The following NDE1 variants were observed in gnomAD, a reference collection of about 807,000 sequenced individuals.
The protein encoded by NDE1 is nuclear distribution protein nudE homolog 1.
NDE1 carries 28 observed loss-of-function variants against 43.4 expected under a neutral mutation model. That is an observed-to-expected ratio of 0.65 (90% CI 0.48 to 0.89). NDE1 has a LOEUF of 0.89. Among genes scored for constraint, NDE1 ranks in the 40% least tolerant of loss-of-function variants. The pLI is 0.00. For missense variants in NDE1, 441 were observed against 434.1 expected, an observed-to-expected ratio of 1.02 and a Z score of -0.14; for synonymous variants, 184 against 172.0, an observed-to-expected ratio of 1.07 and a Z score of -0.55.
chr16:15,691,185 C>T lies in NDE1; in HGVS notation c.565C>T (p.Pro189Ser). 1 of 1,614,108 alleles carries T rather than the reference C, an allele frequency of 6.2e-7. No homozygotes were observed. Among genetic ancestry groups the T allele is most frequent in the African/African-American group, 1.3e-5 (1 of 75,026 alleles). ...ELAVQQKQEK[P>S]RTPMPSSVEA... ...GGCCGTGCAGCAGAAGCAGGAGAAA[C>T]CCAGGACCCCCATGCCCAGCTCAGT... The change falls in exon 6 of 9, where the codon CCC (proline) becomes TCC (serine). Residue 189 changes from proline (P) to serine (S), a missense_variant. By Grantham distance (74) the Pro-to-Ser change is moderately conservative. Coordinates refer to ENST00000396354, the MANE Select transcript of NDE1 (RefSeq NM_017668.3).
chr16:15,707,073 G>A (rs2039497374), intron 8 of NDE1, among the ~76,000 whole-genome samples: 1 of 152,022 alleles, frequency 6.6e-6, no homozygotes, highest in South Asian at 2.1e-4. Flanking sequence ...GAGTCTCGCT[G>A]TGTTGCCCAG....
chr16:15,653,150 A>G (rs1471749840), intron 1 of NDE1, among the ~76,000 whole-genome samples: 1 of 152,172 alleles, frequency 6.6e-6, no homozygotes, highest in Non-Finnish European at 1.5e-5. Flanking sequence ...ACCCATTTTT[A>G]ACATATCCTG....
In NDE1 at chr16:15,719,727, C is replaced by G. The variant is rs375979600; in HGVS notation, c.948-4464C>G. 3.3e-4 allele frequency: 532 copies of G among 1,613,982 alleles called. No homozygotes were observed. Among genetic ancestry groups the G allele is most frequent in the Non-Finnish European group, 4.4e-4 (523 of 1,180,044 alleles). ...CTTCATCTGAGCCTGCATGAGTCAA[C>G]AGGGAGGACAAGCTCAGATGTCCTT... On this transcript the variant is annotated intron_variant, in intron 8 of 8. Coordinates refer to ENST00000396354, the MANE Select transcript of NDE1 (RefSeq NM_017668.3).
intron 3 of NDE1, among the ~76,000 whole-genome samples, chr16:15,675,424 G>T (rs1487783275): frequency 4.4e-5 from 6 of 136,382 alleles, no homozygotes; most frequent in African/African-American, 5.4e-5. Flanking sequence ...GTGATTTTGG[G>T]TTTTTTTTTT....
intron 3 of NDE1, among the ~76,000 whole-genome samples, chr16:15,673,081 G>A (rs1286506802): frequency 6.6e-6 from 1 of 152,188 alleles, no homozygotes; most frequent in African/African-American, 2.4e-5. Context: ...GGACTTTCTA[G>A]CAACGGCTTT....
chr16:15,723,702 G>C (rs979560500), intron 8 of NDE1, among the ~76,000 whole-genome samples: 1 of 152,130 alleles, frequency 6.6e-6, no homozygotes, highest in Admixed American at 6.5e-5. Flanking sequence ...AATCCAGGTG[G>C]TGGCCTTAAA....
intron 8 of NDE1, among the ~76,000 whole-genome samples, chr16:15,706,161 G>A (rs2039442088): frequency 6.6e-6 from 1 of 152,084 alleles, no homozygotes; most frequent in Non-Finnish European, 1.5e-5. Context: ...ACTTAAAGCT[G>A]CAGCCACTTC....
At position 15,696,715 on chromosome 16, in the gene NDE1, G is replaced by C. The variant is rs778056884; in HGVS notation, c.802G>C (p.Glu268Gln). The C allele has an allele frequency of 6.2e-7, 1 of 1,614,176 alleles. No individual in the cohort carries two copies. Among genetic ancestry groups the C allele is most frequent in the South Asian group, 1.1e-5 (1 of 91,086 alleles). ...GDLLRKVGAL[E>Q]SKLASCRNLV... is the part of the protein sequence containing the mutation. ...AAAGTGTATTTCTGTCCAGGCACTG[G>C]AGTCCAAACTCGCTTCCTGCCGGAA... The change falls in exon 8 of 9, where the codon GAG (glutamate) becomes CAG (glutamine). Residue 268 changes from glutamate to glutamine, a missense_variant. Physicochemically the swap from Glu to Gln is conservative, Grantham distance 29. Transcript: ENST00000396354.
chr16:15,656,839 C>G (rs1215534736), intron 1 of NDE1, among the ~76,000 whole-genome samples: 1 of 152,086 alleles, frequency 6.6e-6, no homozygotes, highest in East Asian at 1.9e-4. Flanking sequence ...CAGCACCCTG[C>G]CAGGCTTGGG....
chr16:15,710,790 G>A (rs1462890116), intron 8 of NDE1, among the ~76,000 whole-genome samples: 1 of 151,972 alleles, frequency 6.6e-6, no homozygotes, highest in Non-Finnish European at 1.5e-5. Context: ...GGAGTGTCCT[G>A]TCTCAGCCTC....
At chr16:15,707,953 C>G (rs1470532918) in intron 8 of NDE1, among the ~76,000 whole-genome samples, 2 of 109,528 alleles carry the variant, frequency 1.8e-5, no homozygotes, top group Non-Finnish European at 3.7e-5. Context: ...GAGCGAGACT[C>G]CGTCTCAAAA....
At chr16:15,689,013 A>G (rs1266412348) in intron 5 of NDE1, among the ~76,000 whole-genome samples, 1 of 152,098 alleles carries the variant, frequency 6.6e-6, no homozygotes, top group African/African-American at 2.4e-5. Flanking sequence ...AATTATTTAT[A>G]ACGTCGATTT....
In NDE1 at chr16:15,650,306, G is replaced by C. The variant is rs763230719; in HGVS notation, c.-44+12G>C. ...CCGCCCCTGCTCGGGTAAGTGAGGC[G>C]CTGCGCGGGGCTGGGGTCGGGGTGG... On this transcript the variant is annotated intron_variant, in intron 1 of 8. Transcript: ENST00000396354. 6.0e-5 allele frequency: 17 copies of C among 284,546 alleles called. No individual in the cohort carries two copies. Among genetic ancestry groups the C allele is most frequent in the South Asian group, 4.0e-4 (15 of 37,438 alleles). 17.6% of individuals were successfully genotyped at this position (284,546 alleles called of 1,614,324 possible). A position where few individuals can be genotyped will look rare whatever the true frequency, so the allele number is the denominator to read the frequency against.
At chr16:15,687,563 C>A in intron 5 of NDE1, 52 bp downstream of exon 5, 1 of 1,497,102 alleles carries the variant, frequency 6.7e-7, no homozygotes, top group Non-Finnish European at 9.3e-7. Context: ...CCTACCTGAG[C>A]AACATCTTGT....
chr16:15,672,432 C>T (rs2037643646), intron 3 of NDE1, among the ~76,000 whole-genome samples: 1 of 152,072 alleles, frequency 6.6e-6, no homozygotes, highest in Non-Finnish European at 1.5e-5. Context: ...AGACTCAGAG[C>T]ACACAGCACA....
At chr16:15,721,165 A>T in intron 8 of NDE1, 2 of 1,193,350 alleles carry the variant, frequency 1.7e-6, no homozygotes, top group Non-Finnish European at 2.4e-6. Flanking sequence ...GGCCTCCCAC[A>T]GGATGCATGG....
At chr16:15,678,530 A>G (rs1305338676) in intron 4 of NDE1, among the ~76,000 whole-genome samples, 2 of 151,922 alleles carry the variant, frequency 1.3e-5, no homozygotes, top group African/African-American at 2.4e-5. Flanking sequence ...ACACCATTCT[A>G]ATTTTTGTAT....
chr16:15,701,729 C>G (rs760076544), intron 8 of NDE1: 1 of 152,112 alleles, frequency 6.6e-6, no homozygotes, highest in African/African-American at 2.4e-5. Context: ...CATTTTGTTA[C>G]TAAGTTATTT....
intron 8 of NDE1, chr16:15,711,362 T>C (rs1031959881): frequency 1.1e-4 from 16 of 152,300 alleles, no homozygotes; most frequent in Admixed American, 5.2e-4. Flanking sequence ...TGCTAATGGC[T>C]GTTGTCACTC....
Sources: gnomAD v4.1 joint callset for allele counts (sites outside exome capture counted in the v4.1 genomes callset) on GRCh38, gnomAD v4.1.1 for gene constraint, MANE v1.5 for transcripts, NCBI Gene and HGNC (gene_info 2026-07-23, HGNC 2026-07-21) for gene names.